The following DIP2C variants were observed in gnomAD, a reference collection of about 807,000 sequenced individuals.
DIP2C encodes DIP2 acetate--CoA ligase C (putative).
Under a neutral mutation model 192.4 loss-of-function variants are expected in DIP2C, and 33 were observed. That is an observed-to-expected ratio of 0.17 (90% CI 0.13 to 0.23). The LOEUF is 0.23. Among genes scored for constraint, DIP2C ranks in the 10% least tolerant of loss-of-function variants. DIP2C has a pLI of 1.00. For synonymous variants in DIP2C, 979 were observed against 864.1 expected, an observed-to-expected ratio of 1.13 and a Z score of -2.33; for missense variants, 1,537 against 2,110.1, an observed-to-expected ratio of 0.73 and a Z score of 5.32.
chr10:405,095 T>C (rs1964707589), intron 9 of DIP2C, among the ~76,000 whole-genome samples: 1 of 152,244 alleles, frequency 6.6e-6, no homozygotes, highest in South Asian at 2.1e-4. Flanking sequence ...TGAGAACATG[T>C]TCAGTTCTGA....
intron 9 of DIP2C, 132 bp downstream of exon 9, chr10:408,794 C>T: frequency 1.4e-6 from 1 of 722,862 alleles, no homozygotes; most frequent in South Asian, 1.9e-5. Context: ...TACCAGGTAG[C>T]AGTTAAGAAT....
chr10:625,406 G>A (rs1267749685), intron 1 of DIP2C, among the ~76,000 whole-genome samples: 1 of 152,194 alleles, frequency 6.6e-6, no homozygotes, highest in Non-Finnish European at 1.5e-5. Context: ...CTGTTCGGAG[G>A]CTTTCTGGGC....
Position 362,634 on chromosome 10 carries a change from T to G in DIP2C, c.2650A>C (p.Thr884Pro). 6.2e-7 allele frequency: 1 copy of G among 1,613,984 alleles called. No individual in the cohort carries two copies. Among genetic ancestry groups the G allele is most frequent in the Non-Finnish European group, 8.5e-7 (1 of 1,179,988 alleles). Residue 884 changes from threonine to proline, a missense_variant, in exon 22 of 37, where the codon ACC (threonine) becomes CCC (proline). Thr to Pro is a conservative substitution (Grantham distance 38). Coordinates refer to ENST00000280886, the MANE Select transcript of DIP2C (RefSeq NM_014974.3). ...VYCLALVPAN[T>P]LPKTPLGGIH... ...CCACCAAGCGGGGTTTTGGGGAGGG[T>G]GTTTGCTGGCACCAAGGCCAGGCAA...
intron 1 of DIP2C, among the ~76,000 whole-genome samples, chr10:604,394 T>C (rs1372549022): frequency 6.6e-6 from 1 of 151,954 alleles, no homozygotes; most frequent in East Asian, 1.9e-4. Context: ...GAAAGACGAG[T>C]GGACCCTAGA....
At chr10:288,311 A>C (rs1955260042) in intron 33 of DIP2C, 53 bp downstream of exon 33, 3 of 1,530,332 alleles carry the variant, frequency 2.0e-6, no homozygotes, top group Non-Finnish European at 2.7e-6. Flanking sequence ...CAAAGCCCAT[A>C]CAGTCAGAAG....
intron 3 of DIP2C, among the ~76,000 whole-genome samples, chr10:462,055 T>C (rs1264324437): frequency 1.3e-5 from 2 of 152,098 alleles, no homozygotes; most frequent in African/African-American, 4.8e-5. Context: ...TTTATAGCAC[T>C]AAATGCCCAC....
intron 5 of DIP2C, among the ~76,000 whole-genome samples, chr10:420,618 T>G (rs929812916): frequency 6.6e-6 from 1 of 152,166 alleles, no homozygotes; most frequent in Non-Finnish European, 1.5e-5. Flanking sequence ...GGTAGAGCAG[T>G]GGAAAAAGAA....
chr10:583,907 G>T (rs987195523), intron 1 of DIP2C, among the ~76,000 whole-genome samples: 10 of 152,186 alleles, frequency 6.6e-5, no homozygotes, highest in Non-Finnish European at 1.2e-4. Flanking sequence ...CACGTGCCTA[G>T]AGATCGCCTG....
intron 1 of DIP2C, among the ~76,000 whole-genome samples, chr10:580,588 CTA>C (rs978579084): frequency 2.6e-5 from 4 of 152,116 alleles, no homozygotes; most frequent in East Asian, 1.9e-4. Flanking sequence ...GTGTACATAC[CTA>C]TACATTGTAA....
At chr10:371,291 C>T (rs1960922877) in intron 17 of DIP2C, among the ~76,000 whole-genome samples, 1 of 152,096 alleles carries the variant, frequency 6.6e-6, no homozygotes. Flanking sequence ...GAATCGTGTC[C>T]CCGCAAAAGA....
At chr10:490,316 G>A in intron 1 of DIP2C, among the ~76,000 whole-genome samples, 1 of 152,222 alleles carries the variant, frequency 6.6e-6, no homozygotes, top group East Asian at 1.9e-4. Flanking sequence ...TCATCAGCAT[G>A]CAGCTACGTA....
intron 31 of DIP2C, among the ~76,000 whole-genome samples, chr10:312,051 C>T (rs1289553203): frequency 6.6e-6 from 1 of 152,210 alleles, no homozygotes; most frequent in African/African-American, 2.4e-5. Flanking sequence ...CTCTATCCAC[C>T]TACACAATGA....
At chr10:515,817 C>A (rs962986395) in intron 1 of DIP2C, among the ~76,000 whole-genome samples, 4 of 152,162 alleles carry the variant, frequency 2.6e-5, no homozygotes, top group African/African-American at 9.7e-5. Flanking sequence ...TGGTTATCAC[C>A]TGATTTTCAC....
intron 1 of DIP2C, among the ~76,000 whole-genome samples, chr10:680,226 A>G (rs931922975): frequency 2.6e-5 from 4 of 152,144 alleles, no homozygotes; most frequent in African/African-American, 9.7e-5. Context: ...GCAGCACAGA[A>G]GAAGGTCACC....
chr10:441,798 T>C (rs1408281986), intron 3 of DIP2C, among the ~76,000 whole-genome samples: 2 of 152,242 alleles, frequency 1.3e-5, no homozygotes, highest in Non-Finnish European at 2.9e-5. Context: ...ACACGCTTTG[T>C]GGCTATGAAT....
In DIP2C at chr10:689,553, A is replaced by G; in HGVS notation, c.26T>C (p.Met9Thr). ...CGCCCGCACCTCCAGGGGCAGCGCC[A>G]TGCCCTCCAGGCTGCGGTCCGCCAT... MADRSLEG[M>T]ALPLEVRARL... Residue 9 changes from methionine (M) to threonine (T), a missense_variant, in exon 1 of 37, where the codon ATG (methionine) becomes ACG (threonine). Met to Thr is a moderately conservative substitution (Grantham distance 81). Coordinates refer to ENST00000280886, the MANE Select transcript of DIP2C (RefSeq NM_014974.3). The surrounding 1 kb of genome is among the most constrained non-coding windows in gnomAD (Gnocchi z 6.1). The G allele has an allele frequency of 7.8e-7, 1 of 1,276,442 alleles. No homozygotes were observed. Among genetic ancestry groups the G allele is most frequent in the Non-Finnish European group, 1.0e-6 (1 of 994,686 alleles). The allele number at this position is 1,276,442 out of a possible 1,614,324, so 79.1% of individuals were successfully genotyped here.
rs567150326 is a variant in DIP2C, at chr10:659,718, C to A, written c.85+29776G>T. Among the ~76,000 whole-genome samples, 56 of 152,358 alleles carry A rather than the reference C, an allele frequency of 3.7e-4. 1 individual carries two copies. The South Asian group carries it at 4.6e-3, about 12-fold the overall frequency. On this transcript the variant is annotated intron_variant, in intron 1 of 36. Transcript: ENST00000280886. ...AATATACTCGTTCTTTTCGTTACCCCTGGCAACAGCAAGAATGTAAAACAG... is the reference window on the plus strand; with the variant it reads ...AATATACTCGTTCTTTTCGTTACCCATGGCAACAGCAAGAATGTAAAACAG...
chr10:407,373 T>A (rs1964879277), intron 9 of DIP2C, among the ~76,000 whole-genome samples: 1 of 152,214 alleles, frequency 6.6e-6, no homozygotes, highest in Non-Finnish European at 1.5e-5. Context: ...TTTGGTTGTG[T>A]GAGTCGGCTG....
intron 32 of DIP2C, among the ~76,000 whole-genome samples, chr10:306,897 G>A (rs1480709247): frequency 1.3e-5 from 2 of 152,230 alleles, no homozygotes; most frequent in Non-Finnish European, 2.9e-5. Flanking sequence ...AGCTCCTGCT[G>A]AAATGTGATT....
Sources: gnomAD v4.1 joint callset for allele counts (sites outside exome capture counted in the v4.1 genomes callset) on GRCh38, gnomAD v4.1.1 for gene constraint, Gnocchi (gnomAD v3.1) non-coding constraint, MANE v1.5 for transcripts, NCBI Gene and HGNC (gene_info 2026-07-23, HGNC 2026-07-21) for gene names.